The following GPSM2 variants were observed in gnomAD, a reference collection of about 807,000 sequenced individuals.
GPSM2 encodes the protein G protein-signaling modulator 2.
A neutral mutation model predicts 78.4 loss-of-function variants in GPSM2; 58 were observed. The observed-to-expected ratio is 0.74, with a 90% CI of 0.60 to 0.92. The LOEUF is 0.92. Ranked by LOEUF, GPSM2 falls within the 40% of genes least tolerant of loss-of-function variation. The pLI, the probability that GPSM2 is intolerant of heterozygous loss-of-function variation, is 0.00. For missense variants in GPSM2, 700 were observed against 815.5 expected, an observed-to-expected ratio of 0.86 and a Z score of 1.73; for synonymous variants, 224 against 280.2, an observed-to-expected ratio of 0.80 and a Z score of 2.00.
In GPSM2 at chr1:108,929,422, G is replaced by C. The variant is rs368012261; in HGVS notation, c.1816-279G>C. On this transcript the variant is annotated intron_variant, in intron 14 of 14. Coordinates refer to ENST00000264126, the MANE Select transcript of GPSM2 (RefSeq NM_013296.5). ...CTTGTGACCAATTATAATTAAAACA[G>C]TATGACTTAACATAATGCACGTACT... is the stretch of plus-strand genomic sequence containing the variant. 3.7e-4 allele frequency: 161 copies of C among 432,958 alleles called. 3 individuals carry two copies. In the South Asian group the frequency reaches 3.9e-3, roughly 10 times the overall value. The allele number at this position is 432,958 out of a possible 1,614,324, so 26.8% of individuals were successfully genotyped here. A position where few individuals can be genotyped will look rare whatever the true frequency, so the allele number is the denominator to read the frequency against.
chr1:108,887,463 T>A (rs1165374183), intron 2 of GPSM2, among the ~76,000 whole-genome samples: 2 of 152,144 alleles, frequency 1.3e-5, no homozygotes, highest in Non-Finnish European at 2.9e-5. Flanking sequence ...GATGTCCCCA[T>A]CTCCTGGCCT....
At chr1:108,920,993 C>G (rs918926973) in intron 12 of GPSM2, among the ~76,000 whole-genome samples, 1 of 152,128 alleles carries the variant, frequency 6.6e-6, no homozygotes, top group South Asian at 2.1e-4. Flanking sequence ...ACGTTAAAAA[C>G]GTCTCTCAGT....
chr1:108,893,200 T>C (rs1648099589), intron 2 of GPSM2, among the ~76,000 whole-genome samples: 1 of 152,244 alleles, frequency 6.6e-6, no homozygotes, highest in Non-Finnish European at 1.5e-5. Context: ...GGTGAAGTTA[T>C]TTATTTGAAG....
intron 14 of GPSM2, among the ~76,000 whole-genome samples, chr1:108,928,329 TTCAA>T (rs1651314883): frequency 3.9e-5 from 6 of 152,208 alleles, no homozygotes; most frequent in Admixed American, 3.9e-4. Flanking sequence ...GATGAGGACA[TTCAA>T]TCAGAGGAAG....
chr1:108,879,283 G>A (rs74113521), intron 1 of GPSM2, among the ~76,000 whole-genome samples: 15,115 of 152,098 alleles, frequency 0.099, 776 homozygotes, highest in Middle Eastern at 0.12. Context: ...CTTTGGCCTC[G>A]TCATAATTCC....
intron 11 of GPSM2, among the ~76,000 whole-genome samples, chr1:108,917,613 T>C (rs112699465): frequency 0.31 from 1,251 of 4,020 alleles, 6 homozygotes; most frequent in African/African-American, 0.39. Context: ...CACACACACA[T>C]ATATATATAT....
intron 13 of GPSM2, among the ~76,000 whole-genome samples, chr1:108,923,313 C>T (rs1204526891): frequency 1.3e-5 from 2 of 152,112 alleles, no homozygotes; most frequent in Non-Finnish European, 2.9e-5. Context: ...GTATTCCAGG[C>T]ATGAGCTACT....
At chr1:108,920,458 G>A (rs544652039) in intron 12 of GPSM2, among the ~76,000 whole-genome samples, 35 of 152,056 alleles carry the variant, frequency 2.3e-4, no homozygotes, top group African/African-American at 8.0e-4. Context: ...GACAGAGTGA[G>A]ACTCTGTCTT....
intron 14 of GPSM2, among the ~76,000 whole-genome samples, chr1:108,925,183 T>A (rs1290122920): frequency 6.6e-6 from 1 of 152,170 alleles, no homozygotes; most frequent in Non-Finnish European, 1.5e-5. Context: ...GAAATGGAGA[T>A]GACTAGAAGA....
Position 108,933,568 on chromosome 1 carries a change from C to CTT in GPSM2, c.*3630_*3631dup, listed in dbSNP as rs1200049122. 1 of 152,242 alleles carries CTT rather than the reference C, an allele frequency of 6.6e-6. No individual in the cohort carries two copies. The highest frequency in any genetic ancestry group is 2.4e-5 in the African/African-American group (1 of 41,450). 9.4% of individuals were successfully genotyped at this position (152,242 alleles called of 1,614,324 possible). A position where few individuals can be genotyped will look rare whatever the true frequency, so the allele number is the denominator to read the frequency against. On this transcript the variant is annotated 3_prime_UTR_variant, in exon 15 of 15. Transcript: ENST00000264126. The stretch of plus-strand genomic sequence containing the variant: ...AAATATCTGCATGAAAATTTAAAGA[C>CTT]TTTATTCCTGACTGGTATCACTTTT...
At chr1:108,890,125 C>A (rs935375818) in intron 2 of GPSM2, among the ~76,000 whole-genome samples, 2 of 152,176 alleles carry the variant, frequency 1.3e-5, no homozygotes, top group African/African-American at 2.4e-5. Context: ...ATATTACAAT[C>A]TGTGCATTTT....
intron 2 of GPSM2, 23 bp from the exon 3 acceptor site, chr1:108,896,841 G>T: frequency 6.6e-7 from 1 of 1,505,210 alleles, no homozygotes; most frequent in African/African-American, 1.4e-5. Context: ...ATGTTTAAAT[G>T]TCTGTCCTGT....
chr1:108,881,730 C>A (rs1027039780), intron 1 of GPSM2, among the ~76,000 whole-genome samples: 1 of 152,106 alleles, frequency 6.6e-6, no homozygotes, highest in African/African-American at 2.4e-5. Flanking sequence ...TAGTGAATAG[C>A]ATTCTGTCTT....
chr1:108,917,445 T>G (rs1415128948), intron 11 of GPSM2, among the ~76,000 whole-genome samples: 1 of 150,634 alleles, frequency 6.6e-6, no homozygotes, highest in African/African-American at 2.4e-5. Flanking sequence ...TGGGCACCTG[T>G]AGTCTCAGCT....
intron 14 of GPSM2, among the ~76,000 whole-genome samples, chr1:108,925,878 G>A (rs116489094): frequency 0.011 from 1,661 of 152,076 alleles, 23 homozygotes; most frequent in African/African-American, 0.038. Context: ...GATGGAAATG[G>A]TCAAGTAGAG....
chr1:108,915,529 C>T (rs1398893327), intron 11 of GPSM2, among the ~76,000 whole-genome samples: 2 of 151,082 alleles, frequency 1.3e-5, no homozygotes, highest in East Asian at 2.0e-4. Flanking sequence ...CAGGTTCATG[C>T]GATTCTCCTG....
rs338491 is a variant in GPSM2, at chr1:108,903,423, C to G, written c.1062+189C>G. ...TCACAGTTATGTTTGTATTGGCTTT[C>G]ATGTAGGAAGACAGGAAAGTAAGGC... On this transcript the variant is annotated intron_variant, in intron 9 of 14. Coordinates refer to ENST00000264126, the MANE Select transcript of GPSM2 (RefSeq NM_013296.5). Among the ~76,000 whole-genome samples, 54,543 of 151,902 alleles carry G rather than the reference C, an allele frequency of 0.36. 11,490 individuals carry two copies. Among genetic ancestry groups the G allele is most frequent in the African/African-American group, 0.58 (24,203 of 41,420 alleles).
intron 1 of GPSM2, chr1:108,877,643 T>C (rs1322809593): frequency 2.6e-5 from 4 of 152,022 alleles, no homozygotes; most frequent in Non-Finnish European, 4.4e-5. Flanking sequence ...TTGCAATCAC[T>C]TGGAGTCGGG....
At chr1:108,905,292 G>T (rs1223317171) in intron 10 of GPSM2, among the ~76,000 whole-genome samples, 1 of 152,210 alleles carries the variant, frequency 6.6e-6, no homozygotes, top group Middle Eastern at 3.2e-3. Flanking sequence ...CCTTCTAGCT[G>T]TAGACCTGTT....
Sources: gnomAD v4.1 joint callset for allele counts (sites outside exome capture counted in the v4.1 genomes callset) on GRCh38, gnomAD v4.1.1 for gene constraint, MANE v1.5 for transcripts, NCBI Gene and HGNC (gene_info 2026-07-23, HGNC 2026-07-21) for gene names.